Variants in CRACD observed in about 807,000 individuals in gnomAD.
The protein encoded by CRACD is capping protein inhibiting regulator of actin dynamics.
In CRACD, 56 loss-of-function variants were observed where a neutral mutation model predicts 106.8. That is an observed-to-expected ratio of 0.52 (90% CI 0.42 to 0.66). The LOEUF (loss-of-function observed/expected upper bound fraction) is 0.66, where lower values mean the gene tolerates loss of function less well. Ranked by LOEUF, CRACD falls within the 30% of genes least tolerant of loss-of-function variation. The pLI is 0.00. For missense variants in CRACD, 1,730 were observed against 1,623.2 expected (o/e 1.07, Z -1.13); for synonymous variants, 754 against 670.8 (o/e 1.12, Z -1.92).
intron 1 of CRACD, among the ~76,000 whole-genome samples, chr4:56,130,307 A>G (rs919231807): frequency 2.0e-5 from 3 of 152,168 alleles, no homozygotes; most frequent in African/African-American, 7.2e-5. Flanking sequence ...CAACAAATCT[A>G]AAAATCCTAA....
intron 3 of CRACD, among the ~76,000 whole-genome samples, chr4:56,273,614 T>A (rs1483108198): frequency 6.6e-6 from 1 of 152,144 alleles, no homozygotes; most frequent in African/African-American, 2.4e-5. Context: ...CTGAGAAACC[T>A]TTTCCGACAA....
chr4:56,098,962 A>C (rs1439452564), intron 1 of CRACD, among the ~76,000 whole-genome samples: 3 of 152,178 alleles, frequency 2.0e-5, no homozygotes, highest in African/African-American at 7.2e-5. Flanking sequence ...TACAGGTGTG[A>C]GCCATGGTGC....
chr4:56,071,465 G>A (rs113273687), intron 1 of CRACD, among the ~76,000 whole-genome samples: 1,558 of 150,540 alleles, frequency 0.01, 29 homozygotes, highest in African/African-American at 0.036. Flanking sequence ...ATGTTGTGAT[G>A]TTAACAATTG....
At chr4:56,089,460 G>A (rs1203343118) in intron 1 of CRACD, among the ~76,000 whole-genome samples, 1 of 151,522 alleles carries the variant, frequency 6.6e-6, no homozygotes, top group Admixed American at 6.6e-5. Flanking sequence ...TAGCTAGTGT[G>A]TGTGCAGGAA....
rs571363717 is a variant in CRACD at position 56,227,146 on chromosome 4, G to A, written c.-188-45175G>A. On this transcript the variant is annotated intron_variant, in intron 2 of 10. Transcript: ENST00000682029. ...CTAAAACAGGATTCCAGTAAAAGTG[G>A]TCAACATAATGTGAGAGATGTACTT... is the stretch of plus-strand genomic sequence containing the variant. Among the ~76,000 whole-genome samples the A allele has an allele frequency of 2.6e-5, 4 of 152,280 alleles. No individual in the cohort carries two copies. In the South Asian group the frequency reaches 6.2e-4, roughly 24 times the overall value.
At chr4:56,074,357 T>TTCCTTGAGCAGTGATTTGTAGTTC (rs1732762560) in intron 1 of CRACD, among the ~76,000 whole-genome samples, 1 of 152,204 alleles carries the variant, frequency 6.6e-6, no homozygotes, top group African/African-American at 2.4e-5. Context: ...CTTCTCTTAT[T>TTCCTTGAGCAGTGATTTGTAGTTC]TCCTTGAGCA....
chr4:56,078,411 T>A (rs1389602332), intron 1 of CRACD, among the ~76,000 whole-genome samples: 1 of 152,122 alleles, frequency 6.6e-6, no homozygotes, highest in Non-Finnish European at 1.5e-5. Context: ...TGGTCCCTTT[T>A]TTCCTTTCTT....
intron 2 of CRACD, among the ~76,000 whole-genome samples, chr4:56,182,387 CAAAA>C (rs1378276607): frequency 7.0e-6 from 1 of 142,164 alleles, no homozygotes; most frequent in East Asian, 2.1e-4. Flanking sequence ...AACGAGCAAA[CAAAA>C]AAAGCAGAAC....
intron 1 of CRACD, among the ~76,000 whole-genome samples, chr4:56,094,213 A>G (rs1443260215): frequency 6.6e-6 from 1 of 152,198 alleles, no homozygotes; most frequent in Non-Finnish European, 1.5e-5. Flanking sequence ...TTTTCTTGCA[A>G]TAATTACTTG....
intron 2 of CRACD, among the ~76,000 whole-genome samples, chr4:56,256,338 C>T (rs545696036): frequency 4.5e-4 from 69 of 152,280 alleles, no homozygotes; most frequent in African/African-American, 1.6e-3. Context: ...TGCCTTTCAC[C>T]TTCTGCCATG....
chr4:56,309,159 C>G (rs1023076142), intron 5 of CRACD: 2 of 380,826 alleles, frequency 5.3e-6, no homozygotes, highest in Admixed American at 6.1e-5. Context: ...AGGAGTGTAG[C>G]AGGACCCTAG....
chr4:56,214,316 C>T (rs1738547890), intron 2 of CRACD, among the ~76,000 whole-genome samples: 1 of 152,058 alleles, frequency 6.6e-6, no homozygotes, highest in South Asian at 2.1e-4. Flanking sequence ...AAATATAGGC[C>T]GGGTGCGATG....
intron 1 of CRACD, among the ~76,000 whole-genome samples, chr4:56,151,000 G>A (rs189288438): frequency 2.1e-4 from 32 of 152,068 alleles, no homozygotes; most frequent in Admixed American, 5.2e-4. Flanking sequence ...TTTTATATAT[G>A]TATATATATT....
intron 4 of CRACD, among the ~76,000 whole-genome samples, chr4:56,302,194 A>G (rs1744407140): frequency 6.6e-6 from 1 of 152,200 alleles, no homozygotes; most frequent in Non-Finnish European, 1.5e-5. Flanking sequence ...TACAATCACT[A>G]TTGAACTGCT....
At chr4:56,287,111 T>C (rs1743414320) in intron 3 of CRACD, among the ~76,000 whole-genome samples, 1 of 152,198 alleles carries the variant, frequency 6.6e-6, no homozygotes, top group South Asian at 2.1e-4. Flanking sequence ...ACTATGTTTT[T>C]ATTCTATAAC....
chr4:56,313,109 G>T (rs1450680339), intron 6 of CRACD, 88 bp from the exon 7 acceptor site: 14 of 1,196,438 alleles, frequency 1.2e-5, no homozygotes, highest in Non-Finnish European at 1.7e-5. Flanking sequence ...TGGGCGAGGC[G>T]CACACTGGAA....
chr4:56,127,033 T>G (rs1734681967), intron 1 of CRACD, among the ~76,000 whole-genome samples: 1 of 152,172 alleles, frequency 6.6e-6, no homozygotes, highest in Non-Finnish European at 1.5e-5. Context: ...GATGGGGCCT[T>G]TTTGGGAGAT....
chr4:56,326,884 C>A (rs986766336), intron 10 of CRACD, among the ~76,000 whole-genome samples: 2 of 152,022 alleles, frequency 1.3e-5, no homozygotes, highest in Admixed American at 1.3e-4. Flanking sequence ...GGATTACAGA[C>A]ACCTGCCAAC....
chr4:56,088,533 A>G lies in CRACD; in HGVS notation c.-336+39234A>G, dbSNP rs142758677. The stretch of plus-strand genomic sequence containing the variant: ...ATAAGTTTAAGAAATACTTACTTAT[A>G]CCAAAATTATCTGGTTTCTCAGGCA... On this transcript the variant is annotated intron_variant, in intron 1 of 10. Transcript: ENST00000682029. 1.2e-3 allele frequency among the ~76,000 whole-genome samples: 176 copies of G among 152,088 alleles called. 1 individual carries two copies. Among genetic ancestry groups the G allele is most frequent in the African/African-American group, 4.0e-3 (166 of 41,468 alleles).
Sources: gnomAD v4.1 joint callset for allele counts (sites outside exome capture counted in the v4.1 genomes callset) on GRCh38, gnomAD v4.1.1 for gene constraint, MANE v1.5 for transcripts, NCBI Gene and HGNC (gene_info 2026-07-23, HGNC 2026-07-21) for gene names.